The following SCN8A variants were observed in gnomAD, a reference collection of about 807,000 sequenced individuals.
The protein encoded by SCN8A is sodium voltage-gated channel alpha subunit 8, also known as sodium channel protein type 8 subunit alpha.
In SCN8A, 30 loss-of-function variants were observed where a neutral mutation model predicts 184.1. The observed-to-expected ratio is 0.16, with a 90% CI of 0.12 to 0.22. The LOEUF (loss-of-function observed/expected upper bound fraction) is 0.22, where lower values mean the gene tolerates loss of function less well. SCN8A is among the 10% of genes least tolerant of loss of function. The pLI, the probability that SCN8A is intolerant of heterozygous loss-of-function variation, is 1.00. For synonymous variants in SCN8A, 852 were observed against 907.0 expected, an observed-to-expected ratio of 0.94 and a Z score of 1.09; for missense variants, 1,057 against 2,498.9, an observed-to-expected ratio of 0.42 and a Z score of 12.30.
chr12:51,594,770 GT>G (rs768519216), intron 1 of SCN8A, among the ~76,000 whole-genome samples: 84 of 152,082 alleles, frequency 5.5e-4, no homozygotes, highest in Admixed American at 2.0e-3. Context: ...AATTATCTGT[GT>G]TTTATTATGT....
At chr12:51,682,119 T>C (rs1941345257) in intron 2 of SCN8A, among the ~76,000 whole-genome samples, 1 of 152,254 alleles carries the variant, frequency 6.6e-6, no homozygotes, top group Non-Finnish European at 1.5e-5. Flanking sequence ...TTTATTAATA[T>C]GTTGCATTAC....
At chr12:51,783,483 G>A (rs924076351) in intron 21 of SCN8A, among the ~76,000 whole-genome samples, 3 of 152,184 alleles carry the variant, frequency 2.0e-5, no homozygotes, top group African/African-American at 4.8e-5. Context: ...GGGAGCATAT[G>A]ACCCAAGCCT....
rs1178470597 is a variant in SCN8A, at chr12:51,751,582, G to A, written c.2359G>A (p.Val787Ile). 4 of 1,611,152 alleles carry A rather than the reference G, an allele frequency of 2.5e-6. No homozygotes were observed. The highest frequency in any genetic ancestry group is 2.2e-5 in the South Asian group (2 of 90,850). Residue 787 changes from valine (V) to isoleucine (I), a missense_variant, in exon 14 of 27, where the codon GTA (valine) becomes ATA (isoleucine). Physicochemically the swap from Val to Ile is conservative, Grantham distance 29 (BLOSUM62 3). Coordinates refer to ENST00000627620, the MANE Select transcript of SCN8A (RefSeq NM_001330260.2). ...MTPQFEHVLA[V>I]GNLVFTGIFT... ...ACCACAATTTGAACATGTCTTGGCTGTAGGAAATCTGGTAAGATGGAACAC... is the reference window on the plus strand; with the variant it reads ...ACCACAATTTGAACATGTCTTGGCTATAGGAAATCTGGTAAGATGGAACAC...
At chr12:51,608,176 G>A (rs558512151) in intron 1 of SCN8A, among the ~76,000 whole-genome samples, 7 of 151,552 alleles carry the variant, frequency 4.6e-5, no homozygotes, top group East Asian at 1.9e-4. Flanking sequence ...GCCCACCACC[G>A]TGCCCGGCTA....
intron 1 of SCN8A, among the ~76,000 whole-genome samples, chr12:51,611,713 C>T (rs957852650): frequency 2.6e-5 from 4 of 151,952 alleles, no homozygotes; most frequent in Admixed American, 6.5e-5. Context: ...AGGCTGGTCT[C>T]GAACTCCCTG....
chr12:51,799,214 A>G (rs975538529), intron 26 of SCN8A, among the ~76,000 whole-genome samples: 1 of 152,190 alleles, frequency 6.6e-6, no homozygotes, highest in African/African-American at 2.4e-5. Context: ...GACCATGGGC[A>G]TTTGAGCTAC....
chr12:51,762,451 G>A (rs766408006), intron 14 of SCN8A, 52 bp from the exon 15 acceptor site: 87 of 1,491,240 alleles, frequency 5.8e-5, no homozygotes, highest in Non-Finnish European at 8.0e-5. Flanking sequence ...AATGATAAAG[G>A]CATTCTCTTT....
At chr12:51,751,313 T>C in intron 13 of SCN8A, 42 bp from the exon 14 acceptor site, 1 of 1,353,840 alleles carries the variant, frequency 7.4e-7, no homozygotes, top group Non-Finnish European at 1.0e-6. Flanking sequence ...CCTGGTTTTC[T>C]TGCTGTGATT....
chr12:51,691,956 A>G (rs1038536586), intron 6 of SCN8A, among the ~76,000 whole-genome samples: 4 of 152,154 alleles, frequency 2.6e-5, no homozygotes, highest in African/African-American at 7.2e-5. Context: ...CGGGAGCACC[A>G]GTGTATGAGT....
At chr12:51,672,731 C>G (rs1323627436) in intron 2 of SCN8A, among the ~76,000 whole-genome samples, 1 of 152,192 alleles carries the variant, frequency 6.6e-6, no homozygotes, top group Non-Finnish European at 1.5e-5. Context: ...CTTCTTTTAT[C>G]TACTTTCCTA....
chr12:51,712,349 T>C lies in SCN8A; in HGVS notation c.1635+5634T>C, dbSNP rs541536324. On this transcript the variant is annotated intron_variant, in intron 11 of 26. Coordinates refer to ENST00000627620, the MANE Select transcript of SCN8A (RefSeq NM_001330260.2). Reference sequence around the variant, plus strand: ...GGATCATCCTTCCTTCTGTGGCAGATTTTTACAGTTCCTCTAATGCATTTG... The same window carrying C: ...GGATCATCCTTCCTTCTGTGGCAGACTTTTACAGTTCCTCTAATGCATTTG... 1.5e-4 allele frequency: 89 copies of C among 609,276 alleles called. No homozygotes were observed. In the African/African-American group the frequency reaches 1.5e-3, roughly 10 times the overall value. 37.7% of individuals were successfully genotyped at this position (609,276 alleles called of 1,614,324 possible). A position where few individuals can be genotyped will look rare whatever the true frequency, so the allele number is the denominator to read the frequency against.
chr12:51,628,434 A>C (rs1940126538), intron 1 of SCN8A, among the ~76,000 whole-genome samples: 8 of 152,230 alleles, frequency 5.3e-5, no homozygotes, highest in Admixed American at 5.2e-4. Flanking sequence ...GTAGAGTGTC[A>C]GAGGTTTTTT....
intron 3 of SCN8A, among the ~76,000 whole-genome samples, chr12:51,685,179 A>G (rs887729227): frequency 6.6e-6 from 1 of 152,246 alleles, no homozygotes; most frequent in African/African-American, 2.4e-5. Context: ...TTATAAGGAA[A>G]TAAATAATTC....
chr12:51,780,633 T>G lies in SCN8A; in HGVS notation c.3820-16T>G. Reference sequence around the variant, plus strand: ...TACCTTTTTTGTTTTTGTTTTTCTCTTCTGTTTCTGTGTAGGTCTCTTTAG... The same window carrying G: ...TACCTTTTTTGTTTTTGTTTTTCTCGTCTGTTTCTGTGTAGGTCTCTTTAG... On this transcript the variant is annotated splice_polypyrimidine_tract_variant and intron_variant, in intron 20 of 26. Coordinates refer to ENST00000627620, the MANE Select transcript of SCN8A (RefSeq NM_001330260.2). 7.5e-7 allele frequency: 1 copy of G among 1,340,832 alleles called. No homozygotes were observed. The highest frequency in any genetic ancestry group is 3.0e-5 in the East Asian group (1 of 33,858). The allele number at this position is 1,340,832 out of a possible 1,614,324, so 83.1% of individuals were successfully genotyped here.
chr12:51,729,738 G>A (rs183236281), intron 12 of SCN8A, among the ~76,000 whole-genome samples: 18 of 152,250 alleles, frequency 1.2e-4, no homozygotes, highest in African/African-American at 3.8e-4. Flanking sequence ...ATAAGAAGTT[G>A]CCAAACAGTT....
chr12:51,760,376 T>C (rs948441961), intron 14 of SCN8A, among the ~76,000 whole-genome samples: 1 of 152,224 alleles, frequency 6.6e-6, no homozygotes, highest in African/African-American at 2.4e-5. Flanking sequence ...GGCTGACCTC[T>C]GTCACAGACA....
intron 10 of SCN8A, among the ~76,000 whole-genome samples, 168 bp from the exon 11 acceptor site, chr12:51,706,254 T>C (rs1209899706): frequency 6.6e-6 from 1 of 152,232 alleles, no homozygotes; most frequent in East Asian, 1.9e-4. Flanking sequence ...TCTGTTCACT[T>C]AGGGCTGTGT....
At chr12:51,685,368 G>C (rs1022279272) in intron 3 of SCN8A, among the ~76,000 whole-genome samples, 4 of 152,186 alleles carry the variant, frequency 2.6e-5, no homozygotes, top group African/African-American at 7.2e-5. Context: ...ATTAACAAGA[G>C]AGAGTGAATT....
Position 51,687,097 on chromosome 12 carries a change from G to A in SCN8A, c.492G>A (p.Thr164=), listed in dbSNP as rs762641381. ...PPDWSKNVEY[T]FTGIYTFESL... Reference sequence around the variant, plus strand: ...CTATTCATTTCTTTGACAGGTACACGTTCACAGGGATTTATACATTTGAAT... The same window carrying A: ...CTATTCATTTCTTTGACAGGTACACATTCACAGGGATTTATACATTTGAAT... The change falls in exon 5 of 27, where the codon ACG becomes ACA. Residue 164 remains threonine (T), a synonymous_variant. Coordinates refer to ENST00000627620, the MANE Select transcript of SCN8A (RefSeq NM_001330260.2). 3.1e-6 allele frequency: 5 copies of A among 1,613,102 alleles called. No homozygotes were observed. The highest frequency in any genetic ancestry group is 2.2e-5 in the East Asian group (1 of 44,882).
Sources: allele counts gnomAD v4.1 joint callset (sites outside exome capture counted in the v4.1 genomes callset), GRCh38; gene constraint gnomAD v4.1.1; transcripts MANE v1.5; gene names NCBI Gene and HGNC (gene_info 2026-07-23, HGNC 2026-07-21).